The following ITGA1 variants were observed in gnomAD, a reference collection of about 807,000 sequenced individuals.
ITGA1 encodes the protein integrin alpha-1.
ITGA1 carries 85 observed loss-of-function variants against 145.9 expected under a neutral mutation model. That is an observed-to-expected ratio of 0.58 (90% CI 0.49 to 0.70). ITGA1 has a LOEUF of 0.70. ITGA1 is among the 30% of genes least tolerant of loss of function. ITGA1 has a pLI of 0.00. For missense variants in ITGA1, 1,351 were observed against 1,418.7 expected (o/e 0.95, Z 0.77); for synonymous variants, 520 against 495.3 (o/e 1.05, Z -0.66).
At chr5:52,872,137 AC>A (rs1308023843) in intron 6 of ITGA1, among the ~76,000 whole-genome samples, 4 of 151,996 alleles carry the variant, frequency 2.6e-5, no homozygotes, top group Non-Finnish European at 1.5e-5. Context: ...GCAAAATGAA[AC>A]AGAGAAATTA....
At chr5:52,800,796 C>T (rs1748460383) in intron 1 of ITGA1, 1 of 1,612,802 alleles carries the variant, frequency 6.2e-7, no homozygotes, top group Non-Finnish European at 8.5e-7. Flanking sequence ...CAGCCTGGAG[C>T]GCTGATGTGG....
Position 52,849,421 on chromosome 5 carries a change from A to C in ITGA1, c.118A>C (p.Ser40Arg), listed in dbSNP as rs1180818408. 3.1e-6 allele frequency: 5 copies of C among 1,611,954 alleles called. No individual in the cohort carries two copies. The East Asian group carries it at 8.9e-5, about 29-fold the overall frequency. ...TGATGTGAAAAATTCAATGACTTTCAGCGGCCCGGTGGAAGACATGTTTGG... is the reference window on the plus strand; with the variant it reads ...TGATGTGAAAAATTCAATGACTTTCCGCGGCCCGGTGGAAGACATGTTTGG... ...NVDVKNSMTF[S>R]GPVEDMFGYT... Residue 40 changes from serine (S) to arginine (R), a missense_variant, in exon 2 of 29, where the codon AGC (serine) becomes CGC (arginine). By Grantham distance (110) the Ser-to-Arg change is moderately radical. Coordinates refer to ENST00000282588, the MANE Select transcript of ITGA1 (RefSeq NM_181501.2).
At chr5:52,921,943 A>T (rs1010407124) in intron 17 of ITGA1, among the ~76,000 whole-genome samples, 1 of 152,202 alleles carries the variant, frequency 6.6e-6, no homozygotes, top group African/African-American at 2.4e-5. Flanking sequence ...ATAAATGATT[A>T]TTGTTATTGG....
intron 6 of ITGA1, among the ~76,000 whole-genome samples, chr5:52,880,696 T>C (rs1017530623): frequency 6.6e-6 from 1 of 152,186 alleles, no homozygotes; most frequent in Non-Finnish European, 1.5e-5. Context: ...GCAATTGCCT[T>C]GGAAAGAAGG....
rs1480320329 is a variant in ITGA1 at position 52,946,228 on chromosome 5, T to G, written c.3379-1117T>G. ...ATATCTGTAAGTTCAGGGAATTGTT[T>G]TACATATGTTTAAAATCTGCCTTGC... On this transcript the variant is annotated intron_variant, in intron 27 of 28. Transcript: ENST00000282588. Among the ~76,000 whole-genome samples the G allele has an allele frequency of 5.3e-5, 8 of 152,212 alleles. No individual in the cohort carries two copies. The East Asian group carries it at 1.3e-3, about 26-fold the overall frequency.
At position 52,893,794 on chromosome 5, in the gene ITGA1, A is replaced by C. The variant is rs1274456730; in HGVS notation, c.1044A>C (p.Leu348=). 1 of 1,612,760 alleles carries C rather than the reference A, an allele frequency of 6.2e-7. No homozygotes were observed. Residue 348 remains leucine (L), a synonymous_variant, in exon 9 of 29, where the codon CTA becomes CTC. Coordinates refer to ENST00000282588, the MANE Select transcript of ITGA1 (RefSeq NM_181501.2). The part of the protein sequence containing the change: ...HFFNVSDELA[L]VTIVKTLGER... ...TCAATGTCTCTGATGAATTGGCTCTAGTCACCATTGTTAAAACTCTGGGAG... is the reference window on the plus strand; with the variant it reads ...TCAATGTCTCTGATGAATTGGCTCTCGTCACCATTGTTAAAACTCTGGGAG...
chr5:52,824,857 C>T (rs949501658), intron 1 of ITGA1: 1 of 152,122 alleles, frequency 6.6e-6, no homozygotes, highest in African/African-American at 2.4e-5. Flanking sequence ...CCTATAATTA[C>T]CTCAAAATGA....
chr5:52,788,398 C>T lies in ITGA1; in HGVS notation c.45C>T (p.Cys15=), dbSNP rs776983351. The T allele has an allele frequency of 7.9e-6, 12 of 1,513,052 alleles. No individual in the cohort carries two copies. In the East Asian group the frequency reaches 2.7e-4, roughly 34 times the overall value. 93.7% of individuals were successfully genotyped at this position (1,513,052 alleles called of 1,614,324 possible). The change falls in exon 1 of 29, where the codon TGC becomes TGT. Residue 15 remains cysteine, a synonymous_variant. Transcript: ENST00000282588. ...CCCGCCCAGGGGTCGCTGTCGCCTG[C>T]TGCTGGCTCCTCACTGGTGAGCGAC... ...PRARPGVAVA[C]CWLLTVVLRC...
At chr5:52,931,852 A>C (rs754604517) in intron 21 of ITGA1, 195 bp from the exon 22 acceptor site, 19 of 452,946 alleles carry the variant, frequency 4.2e-5, no homozygotes, top group Non-Finnish European at 7.0e-5. Context: ...GCACATCAGA[A>C]TCAACTTGGG....
chr5:52,813,080 G>C (rs1274540746), intron 1 of ITGA1, among the ~76,000 whole-genome samples: 1 of 152,074 alleles, frequency 6.6e-6, no homozygotes, highest in East Asian at 1.9e-4. Context: ...CACAAATGAA[G>C]AGGAGTACAG....
rs1750456916 is a variant in ITGA1, at chr5:52,909,019, T to C, written c.1577T>C (p.Val526Ala). Residue 526 changes from valine (V) to alanine (A), a missense_variant, in exon 13 of 29, where the codon GTG (valine) becomes GCG (alanine). By Grantham distance (64) the Val-to-Ala change is moderately conservative. Coordinates refer to ENST00000282588, the MANE Select transcript of ITGA1 (RefSeq NM_181501.2). ...MGTEKEEQGKVYVYALNQTRF... is the reference protein window; with the variant it reads ...MGTEKEEQGKAYVYALNQTRF... ...ACAGAGAAGGAGGAGCAAGGAAAAGTGTATGTGTATGCTCTCAATCAGGTA... is the reference window on the plus strand; with the variant it reads ...ACAGAGAAGGAGGAGCAAGGAAAAGCGTATGTGTATGCTCTCAATCAGGTA... 1 of 1,613,726 alleles carries C rather than the reference T, an allele frequency of 6.2e-7. No individual in the cohort carries two copies. The highest frequency in any genetic ancestry group is 8.5e-7 in the Non-Finnish European group (1 of 1,179,788).
intron 26 of ITGA1, among the ~76,000 whole-genome samples, chr5:52,942,342 G>A (rs982902442): frequency 3.9e-5 from 6 of 152,122 alleles, no homozygotes; most frequent in Non-Finnish European, 7.3e-5. Context: ...GAGCAACAGT[G>A]TTAAATCTAT....
intron 14 of ITGA1, among the ~76,000 whole-genome samples, chr5:52,914,385 TC>T (rs1750609857): frequency 1.3e-5 from 2 of 152,230 alleles, no homozygotes; most frequent in African/African-American, 4.8e-5. Context: ...ATGCCTGTAA[TC>T]CCAGCACTTT....
At chr5:52,831,214 CCTCTGCCTCCTGGGTTCAAGCGATT>C (rs1749064434) in intron 1 of ITGA1, among the ~76,000 whole-genome samples, 1 of 152,028 alleles carries the variant, frequency 6.6e-6, no homozygotes, top group Admixed American at 6.6e-5. Flanking sequence ...CTCACTGCAA[CCTCTGCCTCCTGGGTTCAAGCGATT>C]CTCATGCCTC....
rs565896070 is a variant in ITGA1 at position 52,809,328 on chromosome 5, C to G, written c.61+20914C>G. ...AAAGCAGTAGTAATAGCAGTGCAAT[C>G]TGGCACAGGAACATGGGAGCTCAGA... On this transcript the variant is annotated intron_variant, in intron 1 of 28. Coordinates refer to ENST00000282588, the MANE Select transcript of ITGA1 (RefSeq NM_181501.2). 2.3e-4 allele frequency among the ~76,000 whole-genome samples: 35 copies of G among 152,208 alleles called. 1 individual carries two copies. The highest frequency in any genetic ancestry group is 7.9e-4 in the African/African-American group (33 of 41,542).
At chr5:52,812,078 G>A (rs1748691400) in intron 1 of ITGA1, among the ~76,000 whole-genome samples, 3 of 152,142 alleles carry the variant, frequency 2.0e-5, no homozygotes. Context: ...TGTGTCCTGT[G>A]ACCACAATAC....
At chr5:52,856,888 G>T (rs2111763956) in intron 2 of ITGA1, among the ~76,000 whole-genome samples, 1 of 152,274 alleles carries the variant, frequency 6.6e-6, no homozygotes, top group Non-Finnish European at 1.5e-5. Context: ...TCCCTCAACT[G>T]GGGCTGGAGT....
rs181766243 is a variant in ITGA1, at chr5:52,864,972, C to T, written c.386C>T (p.Ala129Val). 3.1e-6 allele frequency: 5 copies of T among 1,607,204 alleles called. No homozygotes were observed. Among genetic ancestry groups the T allele is most frequent in the Non-Finnish European group, 4.2e-6 (5 of 1,177,076 alleles). Residue 129 changes from alanine to valine, a missense_variant and splice_region_variant, in exon 5 of 29, where the codon GCT becomes GTT. Ala to Val is a moderately conservative substitution (Grantham distance 64, BLOSUM62 0). Coordinates refer to ENST00000282588, the MANE Select transcript of ITGA1 (RefSeq NM_181501.2). ...LVTNPNGGFL[A>V]CGPLYAYRCG... ...TAATTTTAAAACAATTTTTTAAAGG[C>T]TTGTGGGCCCTTATATGCCTATAGA... is the stretch of plus-strand genomic sequence containing the variant.
At position 52,860,418 on chromosome 5, in the gene ITGA1, C is replaced by T. The variant is rs1187055099; in HGVS notation, c.183-1029C>T. Among the ~76,000 whole-genome samples the T allele has an allele frequency of 2.0e-5, 3 of 152,050 alleles. No homozygotes were observed. The East Asian group carries it at 5.8e-4, about 29-fold the overall frequency. On this transcript the variant is annotated intron_variant, in intron 2 of 28. Coordinates refer to ENST00000282588, the MANE Select transcript of ITGA1 (RefSeq NM_181501.2). ...AAAATTAGTCGGGCGTGGTGGCGTG[C>T]ACCTGTAGTCCCAGCTACTTGGGAG...
Sources: allele counts gnomAD v4.1 joint callset (sites outside exome capture counted in the v4.1 genomes callset), GRCh38; gene constraint gnomAD v4.1.1; transcripts MANE v1.5; gene names NCBI Gene and HGNC (gene_info 2026-07-23, HGNC 2026-07-21).